Variants in FGGY observed in about 807,000 individuals in gnomAD.
The protein encoded by FGGY is FGGY carbohydrate kinase domain containing.
In FGGY, 72 loss-of-function variants were observed where a neutral mutation model predicts 71.3. The observed-to-expected ratio is 1.01, with a 90% CI of 0.84 to 1.23. FGGY has a LOEUF of 1.23. Ranked by LOEUF, FGGY falls within the 50% of genes most tolerant of loss-of-function variation. The probability of loss-of-function intolerance (pLI) is 0.00; values close to 1 mark genes in which losing one functional copy is unlikely to be tolerated. For synonymous variants in FGGY, 251 were observed against 250.3 expected, an observed-to-expected ratio of 1.00 and a Z score of -0.02; for missense variants, 668 against 682.3, an observed-to-expected ratio of 0.98 and a Z score of 0.23.
chr1:59,408,954 A>G (rs2063180291), intron 5 of FGGY, among the ~76,000 whole-genome samples: 1 of 152,120 alleles, frequency 6.6e-6, no homozygotes, highest in African/African-American at 2.4e-5. Context: ...TTGTAACTTT[A>G]ACCACGGCAG....
At chr1:59,725,615 T>G (rs999680925) in intron 14 of FGGY, among the ~76,000 whole-genome samples, 28 of 151,390 alleles carry the variant, frequency 1.8e-4, no homozygotes, top group Admixed American at 9.9e-4. Flanking sequence ...TTTGTGGGGG[T>G]TTTTTTTGTT....
chr1:59,393,893 G>T (rs186611460), intron 5 of FGGY, among the ~76,000 whole-genome samples: 100 of 152,256 alleles, frequency 6.6e-4, no homozygotes, highest in African/African-American at 2.3e-3. Context: ...CGTCTATTCT[G>T]TCAGAAGTGG....
chr1:59,358,919 G>A (rs1292649791), intron 4 of FGGY, among the ~76,000 whole-genome samples: 1 of 152,182 alleles, frequency 6.6e-6, no homozygotes, highest in Non-Finnish European at 1.5e-5. Flanking sequence ...AGAAATTGAG[G>A]ATGGAGGGAG....
At chr1:59,693,355 C>G (rs905491482) in intron 14 of FGGY, among the ~76,000 whole-genome samples, 1 of 152,220 alleles carries the variant, frequency 6.6e-6, no homozygotes, top group Non-Finnish European at 1.5e-5. Context: ...TGTTACAAAC[C>G]TGTGGCTTAA....
At chr1:59,438,748 AG>A (rs1196192652) in intron 5 of FGGY, among the ~76,000 whole-genome samples, 1 of 152,204 alleles carries the variant, frequency 6.6e-6, no homozygotes, top group African/African-American at 2.4e-5. Flanking sequence ...ATTTCAATTG[AG>A]GGGGAAAATA....
intron 1 of FGGY, chr1:59,309,989 C>G (rs1398112318): frequency 6.7e-6 from 1 of 149,282 alleles, no homozygotes; most frequent in East Asian, 1.9e-4. Flanking sequence ...AAAAAAAAAG[C>G]TACCAGACCA....
At chr1:59,396,530 A>G (rs1453755455) in intron 5 of FGGY, among the ~76,000 whole-genome samples, 1 of 152,166 alleles carries the variant, frequency 6.6e-6, no homozygotes, top group Non-Finnish European at 1.5e-5. Flanking sequence ...CAGGGATAAC[A>G]GAGAAAGGGG....
intron 14 of FGGY, among the ~76,000 whole-genome samples, chr1:59,754,166 T>C (rs1190354095): frequency 6.6e-6 from 1 of 152,216 alleles, no homozygotes; most frequent in Non-Finnish European, 1.5e-5. Flanking sequence ...AGGAAATTTC[T>C]TATCTGATCA....
At chr1:59,431,194 C>T (rs896485198) in intron 5 of FGGY, among the ~76,000 whole-genome samples, 17 of 152,134 alleles carry the variant, frequency 1.1e-4, no homozygotes, top group Non-Finnish European at 2.5e-4. Context: ...TCATACATCC[C>T]TAGTATTGTC....
Position 59,554,044 on chromosome 1 carries a change from T to G in FGGY, c.800-80T>G. On this transcript the variant is annotated intron_variant, in intron 7 of 15. Transcript: ENST00000303721. ...TTGTTTGACTATTAAAAAGAAGATT[T>G]GTTAATGCTTGTTTTTAGCTTTCTC... 2.7e-6 allele frequency: 3 copies of G among 1,119,934 alleles called. No individual in the cohort carries two copies. The Admixed American group carries it at 6.7e-5, about 25-fold the overall frequency. The allele number at this position is 1,119,934 out of a possible 1,614,324, so 69.4% of individuals were successfully genotyped here. A position where few individuals can be genotyped will look rare whatever the true frequency, so the allele number is the denominator to read the frequency against.
intron 10 of FGGY, among the ~76,000 whole-genome samples, chr1:59,627,791 T>C (rs549226328): frequency 4.4e-4 from 67 of 152,128 alleles, no homozygotes; most frequent in Non-Finnish European, 9.6e-4. Flanking sequence ...TCAAGGTACA[T>C]TGGAACCAAC....
intron 9 of FGGY, among the ~76,000 whole-genome samples, chr1:59,610,116 G>A (rs916799219): frequency 6.6e-6 from 1 of 152,312 alleles, no homozygotes; most frequent in East Asian, 1.9e-4. Flanking sequence ...TGCAGAACCT[G>A]CAGGTTTGTT....
At chr1:59,658,797 TG>T (rs1278878285) in intron 11 of FGGY, among the ~76,000 whole-genome samples, 2 of 152,176 alleles carry the variant, frequency 1.3e-5, no homozygotes, top group African/African-American at 4.8e-5. Flanking sequence ...AAGGACATAA[TG>T]GTGGCTTGAA....
chr1:59,358,520 A>G (rs2054789924), intron 4 of FGGY, among the ~76,000 whole-genome samples: 1 of 152,168 alleles, frequency 6.6e-6, no homozygotes, highest in African/African-American at 2.4e-5. Flanking sequence ...TTTATTATCA[A>G]AATTTCAAAC....
chr1:59,541,173 G>A (rs2095434506), intron 7 of FGGY, among the ~76,000 whole-genome samples: 1 of 152,088 alleles, frequency 6.6e-6, no homozygotes, highest in African/African-American at 2.4e-5. Context: ...CTTTCTCCAT[G>A]GAATGTTAAT....
intron 7 of FGGY, among the ~76,000 whole-genome samples, chr1:59,530,550 T>G (rs1311489411): frequency 6.6e-6 from 1 of 152,174 alleles, no homozygotes; most frequent in Non-Finnish European, 1.5e-5. Flanking sequence ...TAACCTCACT[T>G]TACCTGAGCA....
At chr1:59,599,903 A>G (rs912533582) in intron 8 of FGGY, among the ~76,000 whole-genome samples, 1 of 152,076 alleles carries the variant, frequency 6.6e-6, no homozygotes, top group Non-Finnish European at 1.5e-5. Context: ...AAATGATAAC[A>G]TAGGGGATTT....
At chr1:59,613,681 A>G (rs1046660916) in intron 9 of FGGY, among the ~76,000 whole-genome samples, 1 of 152,156 alleles carries the variant, frequency 6.6e-6, no homozygotes. Flanking sequence ...GACACAAAAA[A>G]CCCTTCAAAA....
intron 7 of FGGY, among the ~76,000 whole-genome samples, chr1:59,533,315 C>G (rs2095212452): frequency 6.6e-6 from 1 of 152,206 alleles, no homozygotes; most frequent in South Asian, 2.1e-4. Context: ...AAACAGCACA[C>G]CAGATTATAT....
Sources: gnomAD v4.1 joint callset for allele counts (sites outside exome capture counted in the v4.1 genomes callset) on GRCh38, gnomAD v4.1.1 for gene constraint, MANE v1.5 for transcripts, NCBI Gene and HGNC (gene_info 2026-07-23, HGNC 2026-07-21) for gene names.